Variants in SLC4A5 observed in about 807,000 individuals in gnomAD.
The protein encoded by SLC4A5 is electrogenic sodium bicarbonate cotransporter 4.
SLC4A5 carries 96 observed loss-of-function variants against 120.4 expected under a neutral mutation model. The ratio of observed to expected loss-of-function variants is 0.80; its 90% CI spans 0.68 to 0.94. The LOEUF is 0.94. Among genes scored for constraint, SLC4A5 ranks in the 40% least tolerant of loss-of-function variants. The probability of loss-of-function intolerance (pLI) is 0.00; values close to 1 mark genes in which losing one functional copy is unlikely to be tolerated. For synonymous variants in SLC4A5, 550 were observed against 571.1 expected, an observed-to-expected ratio of 0.96 and a Z score of 0.53; for missense variants, 1,259 against 1,459.5, an observed-to-expected ratio of 0.86 and a Z score of 2.24.
chr2:74,315,772 G>A (rs943691109), intron 5 of SLC4A5, among the ~76,000 whole-genome samples: 5 of 151,842 alleles, frequency 3.3e-5, no homozygotes, highest in African/African-American at 4.8e-5. Context: ...ATTACAGCCT[G>A]GGTGACAGAG....
chr2:74,247,049 G>A (rs767916963), exon 19 of SLC4A5: 52 of 1,613,786 alleles, frequency 3.2e-5, no homozygotes, highest in South Asian at 2.4e-4. Context: ...TGTCAGGGGC[G>A]ACACACTCGC....
chr2:74,303,137 T>C (rs1672527993), intron 7 of SLC4A5, among the ~76,000 whole-genome samples: 1 of 151,644 alleles, frequency 6.6e-6, no homozygotes, highest in Non-Finnish European at 1.5e-5. Context: ...TGTGTGTGTG[T>C]TGTATTTTAA....
intron 7 of SLC4A5, chr2:74,290,397 G>C: frequency 1.0e-6 from 1 of 985,380 alleles, no homozygotes; most frequent in Non-Finnish European, 1.2e-6. Context: ...AGCACCAGGG[G>C]AGGTGTGGGG....
chr2:74,281,763 C>T (rs777256825), intron 8 of SLC4A5, among the ~76,000 whole-genome samples: 3 of 152,172 alleles, frequency 2.0e-5, no homozygotes, highest in African/African-American at 4.8e-5. Context: ...AAATTCCTTG[C>T]GGATTTGAGA....
intron 4 of SLC4A5, among the ~76,000 whole-genome samples, chr2:74,331,447 T>C (rs1673365075): frequency 1.4e-5 from 2 of 144,154 alleles, no homozygotes; most frequent in Admixed American, 1.4e-4. Flanking sequence ...GCAGTGATAG[T>C]GATGAAGGAA....
chr2:74,282,883 T>C (rs1312984562), intron 8 of SLC4A5, among the ~76,000 whole-genome samples: 4 of 152,162 alleles, frequency 2.6e-5, no homozygotes, highest in Non-Finnish European at 4.4e-5. Flanking sequence ...CTCCTCTCTA[T>C]TTGCTCACTC....
intron 5 of SLC4A5, among the ~76,000 whole-genome samples, chr2:74,322,314 T>C (rs1408129915): frequency 6.6e-6 from 1 of 152,218 alleles, no homozygotes; most frequent in African/African-American, 2.4e-5. Context: ...TAGATTTTTA[T>C]GTATTAACAT....
intron 5 of SLC4A5, among the ~76,000 whole-genome samples, chr2:74,326,545 G>A (rs1558915470): frequency 6.6e-6 from 1 of 152,204 alleles, no homozygotes; most frequent in Non-Finnish European, 1.5e-5. Context: ...CCTGGGCCAC[G>A]TGCAGTGGCT....
chr2:74,296,860 C>T (rs1672346840), intron 7 of SLC4A5, among the ~76,000 whole-genome samples: 1 of 151,524 alleles, frequency 6.6e-6, no homozygotes, highest in African/African-American at 2.4e-5. Flanking sequence ...CTCAGGGACT[C>T]CTTAGTGCAG....
rs60481743 is a variant in SLC4A5, at chr2:74,316,321, TAAAAAAAAAAAA to T, written c.-2-1308_-2-1297del. ...GCTAGGTTATGCTACAAAAGAGTTG[TAAAAAAAAAAAA>T]AAAAAAAAAAAAAAAGAGTTGTAAA... On this transcript the variant is annotated intron_variant, in intron 5 of 30. Coordinates refer to ENST00000394019, the Ensembl canonical transcript of SLC4A5. Among the ~76,000 whole-genome samples the T allele has an allele frequency of 2.1e-4, 11 of 51,188 alleles. No homozygotes were observed. In the South Asian group the frequency reaches 3.1e-3, roughly 15 times the overall value. The allele number at this position is 51,188 out of a possible 152,430, so 33.6% of individuals were successfully genotyped here.
intron 19 of SLC4A5, 39 bp downstream of exon 19, chr2:74,246,997 T>G: frequency 1.2e-6 from 2 of 1,603,842 alleles, no homozygotes; most frequent in Non-Finnish European, 1.7e-6. Context: ...GCCGGTGGGG[T>G]AGGTGAGGGC....
At chr2:74,279,242 T>C (rs1271030809) in intron 8 of SLC4A5, among the ~76,000 whole-genome samples, 3 of 152,240 alleles carry the variant, frequency 2.0e-5, no homozygotes, top group African/African-American at 7.2e-5. Context: ...CCCAGCTTTT[T>C]ACTTTTAACT....
intron 4 of SLC4A5, among the ~76,000 whole-genome samples, chr2:74,331,963 T>C (rs1673375041): frequency 6.6e-6 from 1 of 152,138 alleles, no homozygotes; most frequent in African/African-American, 2.4e-5. Context: ...CTTTTCAACC[T>C]GCCCTAGGAA....
At chr2:74,262,041 C>T in intron 11 of SLC4A5, 96 bp downstream of exon 11, 1 of 1,136,564 alleles carries the variant, frequency 8.8e-7, no homozygotes, top group Non-Finnish European at 1.3e-6. Flanking sequence ...CTTGGCAGAT[C>T]CTGGGCTTTG....
rs1333332062 is a variant in SLC4A5 at position 74,334,132 on chromosome 2, C to G, written c.-175G>C. 6.6e-6 allele frequency: 1 copy of G among 152,210 alleles called. No individual in the cohort carries two copies. Among genetic ancestry groups the G allele is most frequent in the East Asian group, 1.9e-4 (1 of 5,196 alleles). The allele number at this position is 152,210 out of a possible 1,614,324, so 9.4% of individuals were successfully genotyped here. A position where few individuals can be genotyped will look rare whatever the true frequency, so the allele number is the denominator to read the frequency against. On this transcript the variant is annotated 5_prime_UTR_variant, in exon 4 of 31. It removes an upstream start codon present in the reference 5' UTR. Coordinates refer to ENST00000394019, the Ensembl canonical transcript of SLC4A5. ...TTGTCTGCTTTAGCTGTTTCTGAAC[C>G]ATGTCCAGGGTTGAGAAGGGAACAT...
chr2:74,238,094 TCTGTCTC>T, intron 21 of SLC4A5, among the ~76,000 whole-genome samples: 1 of 152,154 alleles, frequency 6.6e-6, no homozygotes, highest in South Asian at 2.1e-4. Flanking sequence ...AGAGTGAGAC[TCTGTCTC>T]AAAAATAATA....
At chr2:74,238,139 A>G (rs938695334) in intron 21 of SLC4A5, among the ~76,000 whole-genome samples, 5 of 152,090 alleles carry the variant, frequency 3.3e-5, no homozygotes, top group African/African-American at 1.2e-4. Context: ...ATAACATAGC[A>G]GTTAGCATTT....
At chr2:74,235,126 T>C (rs1670228577) in exon 22 of SLC4A5, 1 of 1,613,972 alleles carries the variant, frequency 6.2e-7, no homozygotes, top group African/African-American at 1.3e-5. Context: ...CACATGCAGC[T>C]TGGGAGTTTC....
intron 8 of SLC4A5, among the ~76,000 whole-genome samples, chr2:74,280,407 G>A (rs1187085300): frequency 2.6e-5 from 4 of 152,284 alleles, no homozygotes; most frequent in African/African-American, 9.6e-5. Flanking sequence ...TGTCCAATTA[G>A]ACTGAGAGCC....
Sources: allele counts gnomAD v4.1 joint callset (sites outside exome capture counted in the v4.1 genomes callset), GRCh38; gene constraint gnomAD v4.1.1; transcripts MANE v1.5; gene names NCBI Gene and HGNC (gene_info 2026-07-23, HGNC 2026-07-21).